The following OPRPN variants were observed in gnomAD, a reference collection of about 807,000 sequenced individuals.
The protein encoded by OPRPN is opiorphin prepropeptide, also known as basic proline-rich lacrimal protein.
OPRPN carries 1 observed loss-of-function variant against 2.2 expected under a neutral mutation model. The ratio of observed to expected loss-of-function variants is 0.45; its 90% CI spans 0.16 to 2.15. The LOEUF (loss-of-function observed/expected upper bound fraction) is 2.15, where lower values mean the gene tolerates loss of function less well. Ranked by LOEUF, OPRPN falls within the 30% of genes most tolerant of loss-of-function variation. OPRPN has a pLI of 0.28. For synonymous variants in OPRPN, 126 were observed against 111.5 expected (o/e 1.13, Z -0.82); for missense variants, 306 against 297.3 (o/e 1.03, Z -0.21).
rs184588530 is a variant in OPRPN at position 70,398,861 on chromosome 4, G to A, written c.-15-410G>A. Among the ~76,000 whole-genome samples the A allele has an allele frequency of 9.1e-4, 138 of 151,754 alleles. 1 individual carries two copies. Among genetic ancestry groups the A allele is most frequent in the African/African-American group, 1.0e-3 (43 of 41,456 alleles). On this transcript the variant is annotated intron_variant, in intron 1 of 2. Coordinates refer to ENST00000399575, the MANE Select transcript of OPRPN (RefSeq NM_021225.5). Reference sequence around the variant, plus strand: ...TTATTTTTTACAATAGTCGTGTCACGTTGACAATATTTAGGTCACAAATCT... The same window carrying A: ...TTATTTTTTACAATAGTCGTGTCACATTGACAATATTTAGGTCACAAATCT...
chr4:70,403,931 A>T (rs946705110), intron 2 of OPRPN, among the ~76,000 whole-genome samples: 2 of 151,894 alleles, frequency 1.3e-5, no homozygotes, highest in African/African-American at 4.8e-5. Context: ...AATATCAGCA[A>T]TTTTTCCTTC....
chr4:70,399,448 T>C (rs1343991748), intron 2 of OPRPN, 112 bp downstream of exon 2: 6 of 864,400 alleles, frequency 6.9e-6, no homozygotes. Flanking sequence ...AGTGTCAGGC[T>C]GTTGATAATT....
At chr4:70,401,603 A>T (rs1352509633) in intron 2 of OPRPN, among the ~76,000 whole-genome samples, 2 of 152,102 alleles carry the variant, frequency 1.3e-5, no homozygotes, top group Non-Finnish European at 2.9e-5. Context: ...CATGAGACAA[A>T]CCCTCAATAA....
chr4:70,407,775 A>C lies in OPRPN; in HGVS notation c.52-1605A>C, dbSNP rs1264982562. Reference sequence around the variant, plus strand: ...TTTACAAAAATAAAAGAGAAGAAAGACCCTAGGGACAGAGAAGATGTAGAT... The same window carrying C: ...TTTACAAAAATAAAAGAGAAGAAAGCCCCTAGGGACAGAGAAGATGTAGAT... On this transcript the variant is annotated intron_variant, in intron 2 of 2. Coordinates refer to ENST00000399575, the MANE Select transcript of OPRPN (RefSeq NM_021225.5). 6.6e-5 allele frequency among the ~76,000 whole-genome samples: 10 copies of C among 152,294 alleles called. No homozygotes were observed. The East Asian group carries it at 1.9e-3, about 29-fold the overall frequency.
At chr4:70,408,812 A>C (rs1351481752) in intron 2 of OPRPN, among the ~76,000 whole-genome samples, 1 of 152,188 alleles carries the variant, frequency 6.6e-6, no homozygotes, top group African/African-American at 2.4e-5. Flanking sequence ...CTAGCTCCAT[A>C]GGCTTTTTGT....
Position 70,409,975 on chromosome 4 carries a change from T to C in OPRPN, c.647T>C (p.Leu216Ser). 1 of 1,614,092 alleles carries C rather than the reference T, an allele frequency of 6.2e-7. No homozygotes were observed. Among genetic ancestry groups the C allele is most frequent in the South Asian group, 1.1e-5 (1 of 91,074 alleles). Residue 216 changes from leucine to serine, a missense_variant, in exon 3 of 3, where the codon TTG (leucine) becomes TCG (serine). Leu to Ser is a moderately radical substitution (Grantham distance 145). Coordinates refer to ENST00000399575, the MANE Select transcript of OPRPN (RefSeq NM_021225.5). ...QILANRPHTV[L>S]LNATVQVTTS... ...CTCGCCAACCGTCCTCACACAGTAT[T>C]GCTCAATGCCACTGTCCAAGTTACG...
intron 1 of OPRPN, 89 bp from the exon 2 acceptor site, chr4:70,399,182 A>G (rs1732921283): frequency 1.3e-6 from 1 of 795,904 alleles, no homozygotes; most frequent in Non-Finnish European, 2.0e-6. Context: ...ATTTTACATA[A>G]CAAGTGTTAA....
intron 2 of OPRPN, among the ~76,000 whole-genome samples, chr4:70,406,166 C>T (rs1411896388): frequency 1.3e-5 from 2 of 152,214 alleles, no homozygotes; most frequent in Middle Eastern, 3.4e-3. Flanking sequence ...AATTACTACA[C>T]TATATAATAA....
At chr4:70,398,217 G>A (rs1560531522) in intron 1 of OPRPN, among the ~76,000 whole-genome samples, 177 bp downstream of exon 1, 2 of 151,502 alleles carry the variant, frequency 1.3e-5, no homozygotes, top group African/African-American at 4.8e-5. Flanking sequence ...TAAAATTCCT[G>A]AAAAAATGTC....
intron 2 of OPRPN, among the ~76,000 whole-genome samples, chr4:70,407,607 A>T (rs1733117749): frequency 6.6e-6 from 1 of 152,200 alleles, no homozygotes; most frequent in African/African-American, 2.4e-5. Context: ...CTTCCTTACT[A>T]TCTGGCTAGG....
chr4:70,398,289 T>C (rs1732903608), intron 1 of OPRPN, among the ~76,000 whole-genome samples: 1 of 151,914 alleles, frequency 6.6e-6, no homozygotes, highest in African/African-American at 2.4e-5. Context: ...ATTGACTTTT[T>C]CCACTGCTGT....
intron 2 of OPRPN, among the ~76,000 whole-genome samples, chr4:70,400,456 TAGA>T (rs1317596604): frequency 2.0e-5 from 3 of 151,966 alleles, no homozygotes; most frequent in Non-Finnish European, 4.4e-5. Context: ...GAGGTTGAAA[TAGA>T]AGATTATTAT....
At position 70,409,497 on chromosome 4, in the gene OPRPN, C is replaced by A. The variant is rs1250683334; in HGVS notation, c.169C>A (p.Leu57Ile). The A allele has an allele frequency of 1.9e-6, 3 of 1,614,036 alleles. No homozygotes were observed. Among genetic ancestry groups the A allele is most frequent in the East Asian group, 2.2e-5 (1 of 44,868 alleles). ...PSPPPPYDSR[L>I]NSPLSLPFVP... Reference sequence around the variant, plus strand: ...TCCCCCACCTCCCTATGACTCAAGACTTAATTCACCACTTTCTCTTCCCTT... The same window carrying A: ...TCCCCCACCTCCCTATGACTCAAGAATTAATTCACCACTTTCTCTTCCCTT... Residue 57 changes from leucine (L) to isoleucine (I), a missense_variant, in exon 3 of 3, where the codon CTT becomes ATT. Physicochemically the swap from Leu to Ile is conservative, Grantham distance 5. Coordinates refer to ENST00000399575, the MANE Select transcript of OPRPN (RefSeq NM_021225.5).
At chr4:70,404,860 T>C (rs760267949) in intron 2 of OPRPN, among the ~76,000 whole-genome samples, 3 of 152,190 alleles carry the variant, frequency 2.0e-5, no homozygotes, top group Non-Finnish European at 4.4e-5. Flanking sequence ...TAATAATAAA[T>C]TTAAAAATAT....
chr4:70,405,889 C>A (rs1031563608), intron 2 of OPRPN, among the ~76,000 whole-genome samples: 1 of 150,296 alleles, frequency 6.7e-6, no homozygotes, highest in Non-Finnish European at 1.5e-5. Context: ...CATAGCAAGA[C>A]CCCATATCCA....
At chr4:70,408,834 G>T (rs375671799) in intron 2 of OPRPN, among the ~76,000 whole-genome samples, 1 of 152,076 alleles carries the variant, frequency 6.6e-6, no homozygotes, top group Non-Finnish European at 1.5e-5. Context: ...GTATTGCCTT[G>T]TATTGTCATT....
At chr4:70,403,085 T>C (rs1211253862) in intron 2 of OPRPN, among the ~76,000 whole-genome samples, 1 of 152,134 alleles carries the variant, frequency 6.6e-6, no homozygotes, top group Non-Finnish European at 1.5e-5. Context: ...AAAATGAAAC[T>C]TCTAAAATAT....
At chr4:70,399,030 T>A (rs1322917180) in intron 1 of OPRPN, among the ~76,000 whole-genome samples, 1 of 151,830 alleles carries the variant, frequency 6.6e-6, no homozygotes, top group African/African-American at 2.4e-5. Flanking sequence ...TCAACAATTA[T>A]CTGAAAATTA....
At chr4:70,404,078 C>T (rs1733038214) in intron 2 of OPRPN, among the ~76,000 whole-genome samples, 1 of 152,082 alleles carries the variant, frequency 6.6e-6, no homozygotes, top group South Asian at 2.1e-4. Context: ...CACTTCTTTT[C>T]CTGTTCTGTC....
Sources: gnomAD v4.1 joint callset for allele counts (sites outside exome capture counted in the v4.1 genomes callset) on GRCh38, gnomAD v4.1.1 for gene constraint, MANE v1.5 for transcripts, NCBI Gene and HGNC (gene_info 2026-07-23, HGNC 2026-07-21) for gene names.